Variants in TMEM108 observed in about 807,000 individuals in gnomAD.
TMEM108 encodes cancer/testis antigen 124.
A neutral mutation model predicts 35.1 loss-of-function variants in TMEM108; 12 were observed. The ratio of observed to expected loss-of-function variants is 0.34; its 90% CI spans 0.22 to 0.55. TMEM108 has a LOEUF of 0.55. TMEM108 is among the 20% of genes least tolerant of loss of function. TMEM108 has a pLI of 0.89. For missense variants in TMEM108, 680 were observed against 753.3 expected, an observed-to-expected ratio of 0.90 and a Z score of 1.14; for synonymous variants, 287 against 308.6, an observed-to-expected ratio of 0.93 and a Z score of 0.73.
intron 2 of TMEM108, among the ~76,000 whole-genome samples, chr3:133,225,009 C>T (rs1394752822): frequency 6.6e-6 from 1 of 151,026 alleles, no homozygotes; most frequent in Non-Finnish European, 1.5e-5. Context: ...CTCCTTTTTC[C>T]TAGCCATAGC....
chr3:133,268,830 CAG>C (rs1333779716), intron 3 of TMEM108, among the ~76,000 whole-genome samples: 1 of 152,174 alleles, frequency 6.6e-6, no homozygotes, highest in Non-Finnish European at 1.5e-5. Context: ...ATGTGATAAA[CAG>C]AGATTTGGAA....
chr3:133,244,982 A>G (rs530066215), intron 3 of TMEM108, among the ~76,000 whole-genome samples: 4 of 152,340 alleles, frequency 2.6e-5, no homozygotes, highest in African/African-American at 7.2e-5. Context: ...AGGGAGAGGA[A>G]GAGAAAGGTA....
At chr3:133,039,826 T>G (rs1943251378) in intron 1 of TMEM108, among the ~76,000 whole-genome samples, 1 of 152,178 alleles carries the variant, frequency 6.6e-6, no homozygotes, top group South Asian at 2.1e-4. Flanking sequence ...CCTTTATAGC[T>G]CTTACATTCC....
At chr3:133,227,473 G>T (rs1429532923) in intron 2 of TMEM108, among the ~76,000 whole-genome samples, 1 of 150,464 alleles carries the variant, frequency 6.6e-6, no homozygotes, top group South Asian at 2.1e-4. Context: ...GATTACAGGC[G>T]TGAGCCACCG....
At chr3:133,170,244 A>G (rs1269963933) in intron 2 of TMEM108, among the ~76,000 whole-genome samples, 2 of 152,208 alleles carry the variant, frequency 1.3e-5, no homozygotes, top group East Asian at 1.9e-4. Flanking sequence ...TAATATTCCC[A>G]TAATATTCAC....
At chr3:133,295,526 T>A (rs955758465) in intron 3 of TMEM108, among the ~76,000 whole-genome samples, 36 of 152,130 alleles carry the variant, frequency 2.4e-4, no homozygotes, top group African/African-American at 8.5e-4. Context: ...CCTTGTCAGG[T>A]TGAGTTGTTA....
At chr3:133,345,853 T>C (rs1433061771) in intron 3 of TMEM108, among the ~76,000 whole-genome samples, 1 of 151,970 alleles carries the variant, frequency 6.6e-6, no homozygotes, top group African/African-American at 2.4e-5. Context: ...ATTTAAGATA[T>C]ATGAATTTTG....
chr3:133,372,465 G>T (rs563311937), intron 3 of TMEM108, among the ~76,000 whole-genome samples: 1 of 152,290 alleles, frequency 6.6e-6, no homozygotes, highest in Admixed American at 6.5e-5. Flanking sequence ...GTGTGTTCAC[G>T]TGTGTTTGTT....
At chr3:133,348,147 C>A (rs914950639) in intron 3 of TMEM108, among the ~76,000 whole-genome samples, 1 of 151,624 alleles carries the variant, frequency 6.6e-6, no homozygotes. Flanking sequence ...TACCAAAAAT[C>A]AAAACATGTC....
At chr3:133,104,362 G>A (rs1944124410) in intron 2 of TMEM108, among the ~76,000 whole-genome samples, 2 of 152,172 alleles carry the variant, frequency 1.3e-5, no homozygotes, top group Admixed American at 1.3e-4. Context: ...TTATTTGTCT[G>A]TAGCTGAATG....
At position 133,142,554 on chromosome 3, in the gene TMEM108, G is replaced by A. The variant is rs554495861; in HGVS notation, c.-46-86712G>A. ...CCAGGCTGCTGCTATCCTGGAGCAC[G>A]GTTTCACACTCCACACTCCACATGT... On this transcript the variant is annotated intron_variant, in intron 2 of 5. Coordinates refer to ENST00000321871, the MANE Select transcript of TMEM108 (RefSeq NM_023943.4). Among the ~76,000 whole-genome samples, 111 of 152,092 alleles carry A rather than the reference G, an allele frequency of 7.3e-4. 1 individual carries two copies. Among genetic ancestry groups the A allele is most frequent in the Non-Finnish European group, 1.2e-3 (83 of 67,996 alleles).
chr3:133,194,575 G>GT (rs397875801), intron 2 of TMEM108, among the ~76,000 whole-genome samples: 2,121 of 143,328 alleles, frequency 0.015, 27 homozygotes, highest in African/African-American at 0.036. Flanking sequence ...AAATTCCATG[G>GT]TTTTTTTTTT....
At chr3:133,236,759 A>G (rs1946243439) in intron 3 of TMEM108, among the ~76,000 whole-genome samples, 3 of 152,022 alleles carry the variant, frequency 2.0e-5, no homozygotes, top group African/African-American at 7.2e-5. Context: ...CCACATAACT[A>G]TATCTTTTTC....
At chr3:133,361,709 GTC>G (rs2072355999) in intron 3 of TMEM108, among the ~76,000 whole-genome samples, 2 of 152,128 alleles carry the variant, frequency 1.3e-5, no homozygotes, top group African/African-American at 2.4e-5. Flanking sequence ...ATCTCGTGTG[GTC>G]TCTCAAGCAT....
intron 2 of TMEM108, among the ~76,000 whole-genome samples, chr3:133,223,087 T>A (rs1022029739): frequency 1.3e-5 from 2 of 152,244 alleles, no homozygotes; most frequent in Non-Finnish European, 2.9e-5. Context: ...AGTCTCTGTT[T>A]CTTTAGGGTT....
chr3:133,387,665 G>A, intron 4 of TMEM108: 1 of 686,364 alleles, frequency 1.5e-6, no homozygotes, highest in Non-Finnish European at 1.8e-6. Flanking sequence ...TAGGCTGGGG[G>A]AAGGGGCTGA....
chr3:133,380,547 G>T lies in TMEM108; in HGVS notation c.836G>T (p.Gly279Val). 1 of 1,613,988 alleles carries T rather than the reference G, an allele frequency of 6.2e-7. No individual in the cohort carries two copies. Among genetic ancestry groups the T allele is most frequent in the Non-Finnish European group, 8.5e-7 (1 of 1,179,980 alleles). ...TSLGPAKDKPGLRRAAQGGGS... is the reference protein window; with the variant it reads ...TSLGPAKDKPVLRRAAQGGGS... ...CTGGGGCCTGCAAAGGACAAGCCAG[G>T]CCTTCGCAGAGCAGCCCAGGGGGGT... The change falls in exon 4 of 6, where the codon GGC becomes GTC. Residue 279 changes from glycine (G) to valine (V), a missense_variant. This residue lies in a region of TMEM108 where 526 missense variants were observed against 532.1 expected (regional missense o/e 0.99). Coordinates refer to ENST00000321871, the MANE Select transcript of TMEM108 (RefSeq NM_023943.4). This position sits in a 1 kb window ranked among gnomAD's most constrained non-coding sequence, Gnocchi z 5.3.
intron 2 of TMEM108, among the ~76,000 whole-genome samples, chr3:133,086,290 G>T (rs1035257685): frequency 6.6e-6 from 1 of 151,918 alleles, no homozygotes; most frequent in African/African-American, 2.4e-5. Context: ...TTAATCTCTC[G>T]AGCATTTGAG....
At chr3:133,145,087 A>G (rs1944698047) in intron 2 of TMEM108, among the ~76,000 whole-genome samples, 1 of 152,052 alleles carries the variant, frequency 6.6e-6, no homozygotes, top group Non-Finnish European at 1.5e-5. Flanking sequence ...TAGGGTTTTT[A>G]TGGTTTTAGG....
Sources: gnomAD v4.1 joint callset for allele counts (sites outside exome capture counted in the v4.1 genomes callset) on GRCh38, gnomAD v4.1.1 for gene constraint, gnomAD v4.1.1 regional missense constraint, Gnocchi (gnomAD v3.1) non-coding constraint, MANE v1.5 for transcripts, NCBI Gene and HGNC (gene_info 2026-07-23, HGNC 2026-07-21) for gene names.